LRP1B: variants seen among roughly 807,000 people sequenced by gnomAD.
LRP1B encodes LDL receptor related protein 1B, also known as low-density lipoprotein receptor-related protein 1B.
In LRP1B, 217 loss-of-function variants were observed where a neutral mutation model predicts 556.6. The ratio of observed to expected loss-of-function variants is 0.39; its 90% CI spans 0.35 to 0.44. The LOEUF is 0.44. Ranked by LOEUF, LRP1B falls within the 20% of genes least tolerant of loss-of-function variation. The probability of loss-of-function intolerance (pLI) is 1.00; values close to 1 mark genes in which losing one functional copy is unlikely to be tolerated. For missense variants in LRP1B, 5,053 were observed against 5,620.8 expected (o/e 0.90, Z 3.23); for synonymous variants, 2,047 against 1,865.8 (o/e 1.10, Z -2.50).
At chr2:141,164,108 A>G (rs1311205840) in intron 7 of LRP1B, among the ~76,000 whole-genome samples, 1 of 152,086 alleles carries the variant, frequency 6.6e-6, no homozygotes, top group Non-Finnish European at 1.5e-5. Context: ...TATGGGTAAG[A>G]TAATTATTGC....
intron 71 of LRP1B, among the ~76,000 whole-genome samples, chr2:140,369,987 C>G (rs1682923984): frequency 6.6e-6 from 1 of 151,852 alleles, no homozygotes; most frequent in South Asian, 2.1e-4. Flanking sequence ...ATATATCTAA[C>G]AAAATGAAAC....
At chr2:141,765,999 G>A (rs1377984099) in intron 2 of LRP1B, among the ~76,000 whole-genome samples, 2 of 151,996 alleles carry the variant, frequency 1.3e-5, no homozygotes, top group African/African-American at 2.4e-5. Flanking sequence ...AAAGGAGCAC[G>A]TGAAAAAAAT....
At chr2:141,885,650 A>C (rs1187865464) in intron 1 of LRP1B, among the ~76,000 whole-genome samples, 1 of 152,220 alleles carries the variant, frequency 6.6e-6, no homozygotes, top group Non-Finnish European at 1.5e-5. Flanking sequence ...GTCAAGTGAC[A>C]GGTCTGCAAC....
At chr2:140,958,417 A>G (rs950663066) in intron 18 of LRP1B, among the ~76,000 whole-genome samples, 3 of 151,740 alleles carry the variant, frequency 2.0e-5, no homozygotes, top group African/African-American at 7.2e-5. Flanking sequence ...TTTTGGAATT[A>G]CAAACCGCAT....
chr2:140,958,241 A>G (rs1422231465), intron 18 of LRP1B, among the ~76,000 whole-genome samples: 1 of 151,630 alleles, frequency 6.6e-6, no homozygotes, highest in Non-Finnish European at 1.5e-5. Flanking sequence ...TAAAAAATCT[A>G]TCTGTAGAGG....
intron 3 of LRP1B, among the ~76,000 whole-genome samples, chr2:141,265,267 G>C (rs1200568159): frequency 1.3e-5 from 2 of 152,150 alleles, no homozygotes; most frequent in Non-Finnish European, 2.9e-5. Context: ...ATGTTGCAGG[G>C]CACCCTCTAC....
intron 35 of LRP1B, among the ~76,000 whole-genome samples, chr2:140,742,938 C>T (rs1056379862): frequency 2.6e-5 from 4 of 151,884 alleles, no homozygotes. Context: ...AAAGGCAAAA[C>T]GGGTGTCTCC....
At chr2:140,508,153 C>T (rs1426624003) in intron 52 of LRP1B, among the ~76,000 whole-genome samples, 1 of 151,962 alleles carries the variant, frequency 6.6e-6, no homozygotes, top group Non-Finnish European at 1.5e-5. Context: ...AACTTAGGTG[C>T]CTTCTATTTC....
intron 2 of LRP1B, among the ~76,000 whole-genome samples, chr2:141,718,280 C>A (rs1692688900): frequency 6.6e-6 from 1 of 152,122 alleles, no homozygotes; most frequent in African/African-American, 2.4e-5. Context: ...TTTTCATGAC[C>A]TACCTGGCTA....
intron 32 of LRP1B, among the ~76,000 whole-genome samples, chr2:140,805,909 G>A (rs1690697998): frequency 6.6e-6 from 1 of 152,054 alleles, no homozygotes; most frequent in African/African-American, 2.4e-5. Flanking sequence ...ATAATAGACT[G>A]AATATTTGTG....
chr2:141,295,472 A>C (rs1414205463), intron 3 of LRP1B, among the ~76,000 whole-genome samples: 1 of 152,122 alleles, frequency 6.6e-6, no homozygotes, highest in Non-Finnish European at 1.5e-5. Context: ...GAGGAAAAAA[A>C]ATTGTCAATG....
chr2:141,997,385 G>GTT, intron 1 of LRP1B, among the ~76,000 whole-genome samples: 1 of 118,596 alleles, frequency 8.4e-6, no homozygotes, highest in Non-Finnish European at 1.7e-5. Flanking sequence ...AGATGTGTGT[G>GTT]TGTGTACATA....
At chr2:141,581,709 C>T (rs547065285) in intron 2 of LRP1B, among the ~76,000 whole-genome samples, 1 of 152,116 alleles carries the variant, frequency 6.6e-6, no homozygotes, top group Non-Finnish European at 1.5e-5. Context: ...CATATGCTTG[C>T]CATATCATGT....
At chr2:141,441,326 T>C (rs1680957879) in intron 3 of LRP1B, among the ~76,000 whole-genome samples, 1 of 151,984 alleles carries the variant, frequency 6.6e-6, no homozygotes, top group Admixed American at 6.6e-5. Context: ...GATCCACCCA[T>C]CTCGGCCTCC....
At chr2:140,669,518 A>G (rs1436656065) in intron 41 of LRP1B, among the ~76,000 whole-genome samples, 1 of 152,184 alleles carries the variant, frequency 6.6e-6, no homozygotes, top group East Asian at 1.9e-4. Flanking sequence ...TGGAAGGTGC[A>G]AAGGAAACTA....
chr2:140,251,649 A>C (rs1238595927), intron 86 of LRP1B, among the ~76,000 whole-genome samples: 2 of 151,946 alleles, frequency 1.3e-5, no homozygotes, highest in Non-Finnish European at 2.9e-5. Context: ...GGAGGCATTC[A>C]GAAAGAAAAA....
chr2:140,528,481 C>T (rs1187636258), intron 47 of LRP1B, among the ~76,000 whole-genome samples: 3 of 151,192 alleles, frequency 2.0e-5, no homozygotes, highest in Non-Finnish European at 4.4e-5. Context: ...AGAAGATTTG[C>T]AGGATGTATT....
intron 2 of LRP1B, among the ~76,000 whole-genome samples, chr2:141,745,778 G>T (rs551361752): frequency 3.2e-4 from 48 of 151,988 alleles, no homozygotes; most frequent in Middle Eastern, 3.4e-3. Context: ...ACCACAGCTG[G>T]CAATATGCTG....
chr2:140,857,493 A>G (rs1219444450), intron 27 of LRP1B, among the ~76,000 whole-genome samples: 1 of 152,164 alleles, frequency 6.6e-6, no homozygotes, highest in Non-Finnish European at 1.5e-5. Context: ...TCTTCAAGTG[A>G]TAAGTTTAAC....
Sources: gnomAD v4.1 joint callset for allele counts (sites outside exome capture counted in the v4.1 genomes callset) on GRCh38, gnomAD v4.1.1 for gene constraint, MANE v1.5 for transcripts, NCBI Gene and HGNC (gene_info 2026-07-23, HGNC 2026-07-21) for gene names.